The following NTM variants were observed in gnomAD, a reference collection of about 807,000 sequenced individuals.
NTM encodes IgLON family member 2.
In NTM, 13 loss-of-function variants were observed where a neutral mutation model predicts 42.1. The ratio of observed to expected loss-of-function variants is 0.31; its 90% CI spans 0.20 to 0.49. The LOEUF is 0.49. Ranked by LOEUF, NTM falls within the 20% of genes least tolerant of loss-of-function variation. NTM has a pLI of 0.99. For missense variants in NTM, 373 were observed against 452.8 expected (o/e 0.82, Z 1.60); for synonymous variants, 187 against 179.2 (o/e 1.04, Z -0.35).
At chr11:132,053,160 C>G (rs961431620) in intron 2 of NTM, among the ~76,000 whole-genome samples, 2 of 152,202 alleles carry the variant, frequency 1.3e-5, no homozygotes, top group African/African-American at 2.4e-5. Flanking sequence ...ATGGCCTTAT[C>G]AGGGGGTAGC....
At chr11:131,439,291 C>T (rs969401090) in intron 1 of NTM, among the ~76,000 whole-genome samples, 3 of 152,216 alleles carry the variant, frequency 2.0e-5, no homozygotes, top group African/African-American at 4.8e-5. Context: ...GCAGTCTGTC[C>T]GTTCTCCAAG....
In NTM at chr11:132,193,203, T is replaced by G. The variant is rs376350643; in HGVS notation, c.401-18819T>G. On this transcript the variant is annotated intron_variant, in intron 3 of 8. Coordinates refer to ENST00000683400, the MANE Select transcript of NTM (RefSeq NM_001352005.2). ...ACAACAGAATGACAACAGAATATAC[T>G]TTCTTCTTATCTGTATATGGCACAT... Among the ~76,000 whole-genome samples, 61 of 152,204 alleles carry G rather than the reference T, an allele frequency of 4.0e-4. 3 individuals are homozygous for G. Among genetic ancestry groups the G allele is most frequent in the African/African-American group, 1.4e-3 (58 of 41,536 alleles).
At chr11:132,074,132 A>T in intron 2 of NTM, among the ~76,000 whole-genome samples, 1 of 152,334 alleles carries the variant, frequency 6.6e-6, no homozygotes, top group Middle Eastern at 3.4e-3. Context: ...TTGGAAAACA[A>T]TATGCAGTTC....
chr11:132,221,877 T>G (rs1853162565), intron 4 of NTM, among the ~76,000 whole-genome samples: 1 of 152,220 alleles, frequency 6.6e-6, no homozygotes, highest in Admixed American at 6.5e-5. Flanking sequence ...CCAAGACTTT[T>G]TGACTCCAAA....
intron 1 of NTM, among the ~76,000 whole-genome samples, chr11:131,702,192 G>A (rs146787461): frequency 1.7e-3 from 255 of 152,174 alleles, no homozygotes; most frequent in African/African-American, 6.0e-3. Context: ...TTTCACCAGG[G>A]ATCGGCCCAC....
At chr11:131,661,790 T>C (rs918138267) in intron 1 of NTM, among the ~76,000 whole-genome samples, 1 of 152,126 alleles carries the variant, frequency 6.6e-6, no homozygotes, top group African/African-American at 2.4e-5. Context: ...TTGCCAACAA[T>C]CCACTGATAT....
chr11:131,376,694 G>C (rs1162222676), intron 1 of NTM, among the ~76,000 whole-genome samples: 1 of 149,102 alleles, frequency 6.7e-6, no homozygotes, highest in African/African-American at 2.5e-5. Context: ...TAGCTTCAGT[G>C]AGAGTATTGC....
At chr11:132,327,364 A>G (rs560163916) in intron 7 of NTM, among the ~76,000 whole-genome samples, 1 of 152,358 alleles carries the variant, frequency 6.6e-6, no homozygotes, top group South Asian at 2.1e-4. Flanking sequence ...GCAATTTATT[A>G]AAGAATGGGG....
chr11:132,062,813 C>A (rs766598076), intron 2 of NTM, among the ~76,000 whole-genome samples: 2 of 152,038 alleles, frequency 1.3e-5, no homozygotes, highest in Non-Finnish European at 2.9e-5. Flanking sequence ...AAATGAAGTC[C>A]TTTATTGAAT....
chr11:132,141,810 A>G (rs1414311454), intron 2 of NTM, among the ~76,000 whole-genome samples: 1 of 152,214 alleles, frequency 6.6e-6, no homozygotes, highest in Non-Finnish European at 1.5e-5. Flanking sequence ...TTTTGTCTGG[A>G]TTCTTCCAGG....
At chr11:131,990,196 T>A (rs1464199353) in intron 2 of NTM, among the ~76,000 whole-genome samples, 1 of 152,114 alleles carries the variant, frequency 6.6e-6, no homozygotes, top group Non-Finnish European at 1.5e-5. Context: ...AGCTGATAAA[T>A]GGAAAATTCT....
At chr11:131,781,030 G>A (rs1036110712) in intron 1 of NTM, among the ~76,000 whole-genome samples, 5 of 152,022 alleles carry the variant, frequency 3.3e-5, no homozygotes, top group African/African-American at 1.2e-4. Flanking sequence ...GACAACTTTA[G>A]AAAGTATCTT....
chr11:131,892,170 T>C (rs1861975350), intron 1 of NTM, among the ~76,000 whole-genome samples: 1 of 152,182 alleles, frequency 6.6e-6, no homozygotes, highest in Non-Finnish European at 1.5e-5. Context: ...TTCCTCCTCC[T>C]TCTCCTCCGC....
chr11:131,951,931 G>A (rs2061043928), intron 2 of NTM, among the ~76,000 whole-genome samples: 1 of 151,192 alleles, frequency 6.6e-6, no homozygotes. Flanking sequence ...TTTCTGCTTT[G>A]ATTGGTCAAA....
At chr11:131,782,398 C>T (rs907138826) in intron 1 of NTM, among the ~76,000 whole-genome samples, 6 of 151,732 alleles carry the variant, frequency 4.0e-5, no homozygotes, top group African/African-American at 9.7e-5. Flanking sequence ...GTCTGCATGG[C>T]TTCACTGGTT....
intron 1 of NTM, among the ~76,000 whole-genome samples, chr11:131,737,037 C>T (rs187655141): frequency 1.4e-4 from 22 of 152,276 alleles, no homozygotes; most frequent in African/African-American, 2.6e-4. Flanking sequence ...ATAGGCATGG[C>T]GGTGCTGTAC....
intron 1 of NTM, among the ~76,000 whole-genome samples, chr11:131,566,179 C>A (rs535955383): frequency 1.3e-5 from 2 of 152,152 alleles, no homozygotes; most frequent in Non-Finnish European, 2.9e-5. Context: ...TCTATCACGG[C>A]GCTTATGGTG....
chr11:132,239,940 TATCC>T (rs2089876533), intron 4 of NTM, among the ~76,000 whole-genome samples: 1 of 152,242 alleles, frequency 6.6e-6, no homozygotes, highest in South Asian at 2.1e-4. Context: ...CTAGTTCATT[TATCC>T]ATCCATTCAT....
chr11:131,649,619 C>T (rs570719419), intron 1 of NTM, among the ~76,000 whole-genome samples: 8 of 152,196 alleles, frequency 5.3e-5, no homozygotes, highest in Middle Eastern at 3.4e-3. Flanking sequence ...TTAATCGCCT[C>T]GTTCAGCAGA....
Sources: allele counts gnomAD v4.1 joint callset (sites outside exome capture counted in the v4.1 genomes callset), GRCh38; gene constraint gnomAD v4.1.1; transcripts MANE v1.5; gene names NCBI Gene and HGNC (gene_info 2026-07-23, HGNC 2026-07-21).